Variants in TTC39B observed in about 807,000 individuals in gnomAD.
TTC39B encodes the protein tetratricopeptide repeat protein 39B.
TTC39B carries 92 observed loss-of-function variants against 96.6 expected under a neutral mutation model. The ratio of observed to expected loss-of-function variants is 0.95; its 90% CI spans 0.80 to 1.13. The LOEUF is 1.13. Ranked by LOEUF, TTC39B falls within the 50% of genes most tolerant of loss-of-function variation. The pLI is 0.00. For synonymous variants in TTC39B, 367 were observed against 299.4 expected (o/e 1.23, Z -2.33); for missense variants, 955 against 809.3 (o/e 1.18, Z -2.18).
At chr9:15,269,816 T>C (rs1823273490) in intron 1 of TTC39B, among the ~76,000 whole-genome samples, 1 of 147,360 alleles carries the variant, frequency 6.8e-6, no homozygotes, top group Non-Finnish European at 1.5e-5. Flanking sequence ...GATCATGCCA[T>C]TGCACTCCAT....
At chr9:15,186,418 TC>T (rs1818528166) in intron 15 of TTC39B, among the ~76,000 whole-genome samples, 1 of 152,154 alleles carries the variant, frequency 6.6e-6, no homozygotes, top group Non-Finnish European at 1.5e-5. Flanking sequence ...ACTCTCATTA[TC>T]CCAACAACCT....
intron 5 of TTC39B, among the ~76,000 whole-genome samples, chr9:15,210,624 C>T (rs75842141): frequency 1.3e-5 from 2 of 152,186 alleles, no homozygotes; most frequent in Admixed American, 6.5e-5. Flanking sequence ...GGGGGCACAT[C>T]AAGCAATTGA....
intron 2 of TTC39B, among the ~76,000 whole-genome samples, chr9:15,247,738 T>G (rs1822342937): frequency 6.6e-6 from 1 of 152,038 alleles, no homozygotes; most frequent in Non-Finnish European, 1.5e-5. Flanking sequence ...GTACAAAATG[T>G]TAGGAAGACC....
At chr9:15,188,233 T>G in intron 13 of TTC39B, 101 bp from the exon 14 acceptor site, 4 of 1,175,940 alleles carry the variant, frequency 3.4e-6, no homozygotes, top group Non-Finnish European at 4.7e-6. Flanking sequence ...AAGGACAAAA[T>G]TATCACTCAT....
intron 2 of TTC39B, among the ~76,000 whole-genome samples, chr9:15,234,398 A>G (rs1367824886): frequency 2.1e-5 from 3 of 144,728 alleles, no homozygotes; most frequent in Non-Finnish European, 3.0e-5. Context: ...CCCATCCAGG[A>G]GGGAGGTGGG....
chr9:15,301,649 G>C (rs565538984), intron 1 of TTC39B, among the ~76,000 whole-genome samples: 25 of 152,026 alleles, frequency 1.6e-4, no homozygotes, highest in Middle Eastern at 3.4e-3. Context: ...CCAGCTACTC[G>C]GGAGACTGAG....
At chr9:15,217,930 C>T (rs1219098796) in intron 3 of TTC39B, among the ~76,000 whole-genome samples, 1 of 152,132 alleles carries the variant, frequency 6.6e-6, no homozygotes, top group East Asian at 1.9e-4. Context: ...CCCAGTATAG[C>T]CAGGTGCGGT....
chr9:15,290,344 C>G (rs10810371), intron 1 of TTC39B, among the ~76,000 whole-genome samples: 27,523 of 152,056 alleles, frequency 0.18, 2,921 homozygotes, highest in African/African-American at 0.3. Flanking sequence ...CACACAAAAA[C>G]TTCCTCCCTT....
intron 2 of TTC39B, among the ~76,000 whole-genome samples, chr9:15,247,703 T>C (rs577856024): frequency 2.6e-5 from 4 of 152,242 alleles, no homozygotes; most frequent in Non-Finnish European, 4.4e-5. Flanking sequence ...TAAATGTATA[T>C]GTGCTGTTAA....
intron 2 of TTC39B, chr9:15,250,068 T>C: frequency 7.8e-7 from 1 of 1,282,770 alleles, no homozygotes; most frequent in Non-Finnish European, 1.0e-6. Context: ...ATTTCTATTT[T>C]ATTCCTTGGT....
In TTC39B at chr9:15,195,298, G is replaced by A. The variant is rs185978357; in HGVS notation, c.825-2603C>T. Among the ~76,000 whole-genome samples the A allele has an allele frequency of 1.3e-5, 2 of 152,252 alleles. 1 individual carries two copies. The highest frequency in any genetic ancestry group is 2.9e-5 in the Non-Finnish European group (2 of 68,020). Reference sequence around the variant, plus strand: ...CTTAAACTCTATAAAGGCTGAGAGAGGTGAGGAAGCTGAAGAAAAAAATGT... The same window carrying A: ...CTTAAACTCTATAAAGGCTGAGAGAAGTGAGGAAGCTGAAGAAAAAAATGT... On this transcript the variant is annotated intron_variant, in intron 8 of 19. Transcript: ENST00000512701.
chr9:15,210,257 C>T, intron 5 of TTC39B, 93 bp from the exon 6 acceptor site: 1 of 811,964 alleles, frequency 1.2e-6, no homozygotes, highest in Non-Finnish European at 2.0e-6. Context: ...GTCACTATCA[C>T]ACCAAAGAGT....
At chr9:15,204,868 G>T (rs761525981) in intron 6 of TTC39B, among the ~76,000 whole-genome samples, 1 of 152,102 alleles carries the variant, frequency 6.6e-6, no homozygotes, top group South Asian at 2.1e-4. Context: ...AGGGACCTGC[G>T]GAGTACCCCA....
chr9:15,225,818 G>C (rs1821089331), intron 3 of TTC39B, 99 bp downstream of exon 3: 1 of 1,104,446 alleles, frequency 9.1e-7, no homozygotes, highest in Non-Finnish European at 1.3e-6. Context: ...TCATTGGTTT[G>C]TCAAACGCAA....
At chr9:15,219,759 G>A (rs1459171412) in intron 3 of TTC39B, among the ~76,000 whole-genome samples, 1 of 152,146 alleles carries the variant, frequency 6.6e-6, no homozygotes, top group African/African-American at 2.4e-5. Context: ...GGGCATAAAT[G>A]GCCCAGCCCC....
chr9:15,254,374 T>G (rs1399160568), intron 2 of TTC39B, among the ~76,000 whole-genome samples: 1 of 152,166 alleles, frequency 6.6e-6, no homozygotes, highest in East Asian at 1.9e-4. Context: ...AACAGCTATA[T>G]GAAAATGTCT....
At chr9:15,221,239 T>C (rs1212932076) in intron 3 of TTC39B, among the ~76,000 whole-genome samples, 2 of 152,174 alleles carry the variant, frequency 1.3e-5, no homozygotes, top group East Asian at 3.8e-4. Flanking sequence ...CAATTTTCCG[T>C]TCCCATCATT....
At chr9:15,225,546 C>A (rs199558327) in intron 3 of TTC39B, among the ~76,000 whole-genome samples, 1 of 152,146 alleles carries the variant, frequency 6.6e-6, no homozygotes, top group East Asian at 1.9e-4. Flanking sequence ...ATTCTGTGTT[C>A]AAGTGATCAT....
intron 7 of TTC39B, among the ~76,000 whole-genome samples, chr9:15,200,720 G>A (rs1051010618): frequency 6.6e-6 from 1 of 152,218 alleles, no homozygotes; most frequent in Admixed American, 6.5e-5. Flanking sequence ...AGATGCTCTG[G>A]CTGGGCGTGG....
Sources: gnomAD v4.1 joint callset for allele counts (sites outside exome capture counted in the v4.1 genomes callset) on GRCh38, gnomAD v4.1.1 for gene constraint, MANE v1.5 for transcripts, NCBI Gene and HGNC (gene_info 2026-07-23, HGNC 2026-07-21) for gene names.